Variants in RETREG3 observed in about 807,000 individuals in gnomAD.
The protein encoded by RETREG3 is reticulophagy regulator family member 3, also known as reticulophagy regulator 3.
Under a neutral mutation model 50.2 loss-of-function variants are expected in RETREG3, and 23 were observed. That is an observed-to-expected ratio of 0.46 (90% CI 0.33 to 0.65). The LOEUF (loss-of-function observed/expected upper bound fraction) is 0.65, where lower values mean the gene tolerates loss of function less well. Ranked by LOEUF, RETREG3 falls within the 30% of genes least tolerant of loss-of-function variation. The probability of loss-of-function intolerance (pLI) is 0.02; values close to 1 mark genes in which losing one functional copy is unlikely to be tolerated. For synonymous variants in RETREG3, 240 were observed against 234.4 expected (o/e 1.02, Z -0.22); for missense variants, 546 against 598.0 (o/e 0.91, Z 0.91).
Position 42,592,149 on chromosome 17 carries a change from T to A in RETREG3, c.253A>T (p.Thr85Ser). The A allele has an allele frequency of 6.2e-7, 1 of 1,613,020 alleles. No homozygotes were observed. Among genetic ancestry groups the A allele is most frequent in the Non-Finnish European group, 8.5e-7 (1 of 1,179,706 alleles). Reference protein sequence around the residue: ...LNAAFWFFALTSLRLVFLLAF... With the variant: ...LNAAFWFFALSSLRLVFLLAF... ...AGTAAAAACACAAGACGAAGAGATG[T>A]CAGGGCAAAAAACCTACAGAGGAAG... Residue 85 changes from threonine to serine, a missense_variant, in exon 2 of 9, where the codon ACA (threonine) becomes TCA (serine). By Grantham distance (58) the Thr-to-Ser change is moderately conservative. Coordinates refer to ENST00000309428, the MANE Select transcript of RETREG3 (RefSeq NM_178126.4).
intron 2 of RETREG3, among the ~76,000 whole-genome samples, chr17:42,590,272 G>C (rs1299529403): frequency 6.6e-6 from 1 of 152,202 alleles, no homozygotes; most frequent in East Asian, 1.9e-4. Flanking sequence ...TTGGGAGACT[G>C]AGGTGGGAGG....
chr17:42,596,359 C>CAAAAAAAAA (rs60457978), intron 1 of RETREG3, among the ~76,000 whole-genome samples: 6 of 64,712 alleles, frequency 9.3e-5, no homozygotes, highest in African/African-American at 2.6e-4. Context: ...GACCCTTTCT[C>CAAAAAAAAA]AAAAAAAAAA....
At chr17:42,597,605 ATATATATATATATATTTTT>A (rs1254967764) in intron 1 of RETREG3, among the ~76,000 whole-genome samples, 4 of 16,746 alleles carry the variant, frequency 2.4e-4, no homozygotes, top group Non-Finnish European at 3.2e-4. Flanking sequence ...ATATATATAT[ATATATATATATATATTTTT>A]TTTTTTTTTT....
chr17:42,599,510 C>T (rs1009737053), intron 1 of RETREG3, among the ~76,000 whole-genome samples: 7 of 151,560 alleles, frequency 4.6e-5, no homozygotes, highest in South Asian at 2.1e-4. Context: ...CAAAATTAGC[C>T]GGGCGTGGTG....
chr17:42,583,341 T>A (rs561029912), intron 7 of RETREG3, among the ~76,000 whole-genome samples, 157 bp downstream of exon 7: 2 of 152,104 alleles, frequency 1.3e-5, no homozygotes, highest in South Asian at 4.2e-4. Flanking sequence ...AAGAAAAAAA[T>A]TGAGATCTAG....
chr17:42,587,906 A>G (rs1340452841), intron 2 of RETREG3, 42 bp from the exon 3 acceptor site: 1 of 1,612,512 alleles, frequency 6.2e-7, no homozygotes, highest in African/African-American at 1.3e-5. Context: ...TGGTAGGGAA[A>G]ACTAAACATG....
chr17:42,603,815 A>C (rs763509868), intron 1 of RETREG3, among the ~76,000 whole-genome samples: 9 of 152,150 alleles, frequency 5.9e-5, no homozygotes, highest in Non-Finnish European at 1.2e-4. Context: ...GTCTCTACTA[A>C]AAATACAAAA....
At chr17:42,602,309 T>C (rs2093160192) in intron 1 of RETREG3, among the ~76,000 whole-genome samples, 1 of 117,136 alleles carries the variant, frequency 8.5e-6, no homozygotes, top group Non-Finnish European at 1.9e-5. Context: ...AGAGTAAGAC[T>C]CCGTTTCAAA....
intron 1 of RETREG3, among the ~76,000 whole-genome samples, chr17:42,597,497 TTG>T (rs71157646): frequency 0.55 from 63,516 of 116,358 alleles, 16,993 homozygotes; most frequent in South Asian, 0.63. Flanking sequence ...AGAATCTATT[TTG>T]TGTGTGTGTG....
intron 1 of RETREG3, among the ~76,000 whole-genome samples, chr17:42,602,870 G>C (rs9891784): frequency 1.3e-5 from 2 of 152,096 alleles, no homozygotes; most frequent in Non-Finnish European, 2.9e-5. Flanking sequence ...CTTGAGCCCA[G>C]AGGTTGAGGT....
intron 1 of RETREG3, chr17:42,598,744 T>C (rs1176226339): frequency 1.3e-5 from 2 of 152,186 alleles, no homozygotes; most frequent in Non-Finnish European, 2.9e-5. Flanking sequence ...ATGAATTTAC[T>C]TGAGAGTAAA....
chr17:42,600,114 A>AC (rs2093155859), intron 1 of RETREG3, among the ~76,000 whole-genome samples: 1 of 152,208 alleles, frequency 6.6e-6, no homozygotes, highest in East Asian at 1.9e-4. Context: ...CACATGTGGT[A>AC]CCTAAAGCCT....
intron 1 of RETREG3, among the ~76,000 whole-genome samples, chr17:42,597,717 G>A (rs1451266771): frequency 3.6e-5 from 5 of 137,106 alleles, no homozygotes; most frequent in African/African-American, 1.4e-4. Context: ...TTCAACCTCC[G>A]CCTCCAGGGT....
rs763376822 is a variant in RETREG3, at chr17:42,585,223, C to A, written c.629G>T (p.Arg210Leu). Reference protein sequence around the residue: ...VMMWPLAVYHRLWDRAYVRLK... With the variant: ...VMMWPLAVYHLLWDRAYVRLK... ...CCGCACATATGCTCGATCCCACAGT[C>A]GGTGGTACACAGCAAGGGGCCACAT... is the stretch of plus-strand genomic sequence containing the variant. The change falls in exon 6 of 9, where the codon CGA (arginine) becomes CTA (leucine). Residue 210 changes from arginine to leucine, a missense_variant. Transcript: ENST00000309428. 3 of 1,613,870 alleles carry A rather than the reference C, an allele frequency of 1.9e-6. No homozygotes were observed. The highest frequency in any genetic ancestry group is 2.5e-6 in the Non-Finnish European group (3 of 1,180,034).
In RETREG3 at chr17:42,582,230, T is replaced by C; in HGVS notation, c.984A>G (p.Arg328=). 3.7e-6 allele frequency: 6 copies of C among 1,611,284 alleles called. No individual in the cohort carries two copies. The highest frequency in any genetic ancestry group is 5.1e-6 in the Non-Finnish European group (6 of 1,179,976). Residue 328 remains arginine, a synonymous_variant, in exon 9 of 9, where the codon AGA becomes AGG. Coordinates refer to ENST00000309428, the MANE Select transcript of RETREG3 (RefSeq NM_178126.4). ...GHSDPEESFA[R]DLPDFPSINM... ...TAATGGAAGGGAAGTCTGGAAGGTC[T>C]CTGGCAAAGGATTCCTCTGGATCAC... is the stretch of plus-strand genomic sequence containing the variant.
At chr17:42,599,061 G>A (rs2093153565) in intron 1 of RETREG3, 2 of 152,140 alleles carry the variant, frequency 1.3e-5, no homozygotes, top group African/African-American at 4.8e-5. Flanking sequence ...TCTGGGAAGG[G>A]GAAATTGCCA....
At chr17:42,603,375 T>A (rs1597743133) in intron 1 of RETREG3, among the ~76,000 whole-genome samples, 1 of 152,316 alleles carries the variant, frequency 6.6e-6, no homozygotes, top group Non-Finnish European at 1.5e-5. Context: ...ACAGAAAGCC[T>A]GTTACTGTAC....
chr17:42,605,044 C>T (rs2093165263), intron 1 of RETREG3, among the ~76,000 whole-genome samples: 1 of 151,020 alleles, frequency 6.6e-6, no homozygotes, highest in African/African-American at 2.4e-5. Context: ...GTAATCTAGG[C>T]TGGAAGACCT....
At chr17:42,601,927 G>A (rs1019310784) in intron 1 of RETREG3, among the ~76,000 whole-genome samples, 10 of 151,938 alleles carry the variant, frequency 6.6e-5, no homozygotes, top group African/African-American at 2.2e-4. Flanking sequence ...GAGCCACTGC[G>A]CCCAGCCAAA....
Sources: gnomAD v4.1 joint callset for allele counts (sites outside exome capture counted in the v4.1 genomes callset) on GRCh38, gnomAD v4.1.1 for gene constraint, MANE v1.5 for transcripts, NCBI Gene and HGNC (gene_info 2026-07-23, HGNC 2026-07-21) for gene names.